OSBPL6: variants seen among roughly 807,000 people sequenced by gnomAD.
OSBPL6 encodes the protein oxysterol-binding protein-related protein 6.
OSBPL6 carries 49 observed loss-of-function variants against 125.8 expected under a neutral mutation model. That is an observed-to-expected ratio of 0.39 (90% CI 0.31 to 0.49). OSBPL6 has a LOEUF of 0.49. Ranked by LOEUF, OSBPL6 falls within the 20% of genes least tolerant of loss-of-function variation. OSBPL6 has a pLI of 0.88. For missense variants in OSBPL6, 986 were observed against 1,135.4 expected (o/e 0.87, Z 1.89); for synonymous variants, 394 against 391.8 (o/e 1.01, Z -0.07).
intron 13 of OSBPL6, among the ~76,000 whole-genome samples, chr2:178,364,762 G>A (rs1364558992): frequency 1.3e-5 from 2 of 152,184 alleles, no homozygotes; most frequent in African/African-American, 4.8e-5. Flanking sequence ...CAGAAGACAG[G>A]TCTAGGCTAG....
chr2:178,293,695 G>A (rs963041907), intron 2 of OSBPL6, among the ~76,000 whole-genome samples: 1 of 151,752 alleles, frequency 6.6e-6, no homozygotes, highest in Non-Finnish European at 1.5e-5. Flanking sequence ...ATTGTCTATA[G>A]TCTCCCTGTT....
chr2:178,304,243 G>T (rs936560274), intron 2 of OSBPL6, among the ~76,000 whole-genome samples: 8 of 152,112 alleles, frequency 5.3e-5, no homozygotes, highest in Non-Finnish European at 1.0e-4. Flanking sequence ...TTCTCATGCT[G>T]CTAATAAAGA....
chr2:178,241,653 C>A (rs333999), intron 1 of OSBPL6, among the ~76,000 whole-genome samples: 50,080 of 151,676 alleles, frequency 0.33, 8,767 homozygotes, highest in African/African-American at 0.43. Context: ...TGACCTCAAG[C>A]GATTCGCCAA....
chr2:178,211,578 T>G (rs572687611), intron 1 of OSBPL6, among the ~76,000 whole-genome samples: 70 of 152,316 alleles, frequency 4.6e-4, no homozygotes, highest in Non-Finnish European at 8.5e-4. Flanking sequence ...GATGCCATTT[T>G]GATAGGGATG....
intron 6 of OSBPL6, among the ~76,000 whole-genome samples, chr2:178,331,921 T>G (rs1232292070): frequency 6.6e-6 from 1 of 152,210 alleles, no homozygotes; most frequent in Non-Finnish European, 1.5e-5. Flanking sequence ...AAACTCTGCT[T>G]TATGTGTGCT....
chr2:178,246,412 A>T (rs904635565), intron 1 of OSBPL6, among the ~76,000 whole-genome samples: 14 of 152,040 alleles, frequency 9.2e-5, no homozygotes, highest in African/African-American at 3.1e-4. Context: ...TGTGACTTCC[A>T]GTGCCCTTCC....
At chr2:178,366,311 C>T (rs1692822152) in intron 13 of OSBPL6, among the ~76,000 whole-genome samples, 1 of 152,328 alleles carries the variant, frequency 6.6e-6, no homozygotes, top group African/African-American at 2.4e-5. Flanking sequence ...TTGAGCCTAT[C>T]TTGAATACAT....
At chr2:178,235,384 T>G in intron 1 of OSBPL6, among the ~76,000 whole-genome samples, 1 of 130,116 alleles carries the variant, frequency 7.7e-6, no homozygotes, top group African/African-American at 3.0e-5. Context: ...TTTCTTTCCT[T>G]TTTCTTTTCT....
intron 2 of OSBPL6, among the ~76,000 whole-genome samples, chr2:178,290,838 A>G (rs985723862): frequency 6.6e-6 from 1 of 152,120 alleles, no homozygotes; most frequent in Non-Finnish European, 1.5e-5. Flanking sequence ...GGTGGGAAAT[A>G]CATGTGTCCA....
intron 1 of OSBPL6, among the ~76,000 whole-genome samples, chr2:178,257,200 T>G (rs887270258): frequency 4.6e-5 from 7 of 152,228 alleles, no homozygotes; most frequent in Non-Finnish European, 8.8e-5. Flanking sequence ...AGTTTTATAA[T>G]GGTTGATTCT....
rs1574873596 is a variant in OSBPL6 at position 178,325,758 on chromosome 2, A to G, written c.195+1489A>G. 2.0e-5 allele frequency among the ~76,000 whole-genome samples: 3 copies of G among 152,330 alleles called. No homozygotes were observed. In the South Asian group the frequency reaches 6.2e-4, roughly 32 times the overall value. On this transcript the variant is annotated intron_variant, in intron 4 of 24. Coordinates refer to ENST00000190611, the MANE Select transcript of OSBPL6 (RefSeq NM_032523.4). ...TTCTCACTTTACTGATAATTATGGC[A>G]TAGTTTTCCGGCATGAAGGCCCCAG...
chr2:178,322,126 G>C (rs979460141), intron 3 of OSBPL6, among the ~76,000 whole-genome samples: 1 of 152,132 alleles, frequency 6.6e-6, no homozygotes, highest in African/African-American at 2.4e-5. Flanking sequence ...TCTATGGCTT[G>C]ACTTGGAAGT....
chr2:178,226,874 C>T (rs2090586910), intron 1 of OSBPL6, among the ~76,000 whole-genome samples: 1 of 152,156 alleles, frequency 6.6e-6, no homozygotes, highest in Non-Finnish European at 1.5e-5. Flanking sequence ...AAAATATTGA[C>T]ACATTTGACT....
Position 178,338,857 on chromosome 2 carries a change from C to T in OSBPL6, c.791-134C>T. On this transcript the variant is annotated intron_variant, in intron 9 of 24. Coordinates refer to ENST00000190611, the MANE Select transcript of OSBPL6 (RefSeq NM_032523.4). ...CCAGAAAAGGGTCTGTTTTGTTTCACCTGCCAGTATCTTCATCATATAAAC... is the reference window on the plus strand; with the variant it reads ...CCAGAAAAGGGTCTGTTTTGTTTCATCTGCCAGTATCTTCATCATATAAAC... 5.0e-6 allele frequency: 3 copies of T among 604,550 alleles called. No homozygotes were observed. The South Asian group carries it at 6.5e-5, about 13-fold the overall frequency. The allele number at this position is 604,550 out of a possible 1,614,324, so 37.4% of individuals were successfully genotyped here. A position where few individuals can be genotyped will look rare whatever the true frequency, so the allele number is the denominator to read the frequency against.
At chr2:178,321,663 G>T (rs756030554) in intron 3 of OSBPL6, among the ~76,000 whole-genome samples, 2 of 152,092 alleles carry the variant, frequency 1.3e-5, no homozygotes. Flanking sequence ...CTTATTTTTT[G>T]AAGCTAGTTA....
intron 13 of OSBPL6, among the ~76,000 whole-genome samples, chr2:178,369,615 A>C (rs1356600121): frequency 6.6e-6 from 1 of 152,212 alleles, no homozygotes; most frequent in Non-Finnish European, 1.5e-5. Flanking sequence ...CATCTAAGAA[A>C]AAGAATAAAT....
chr2:178,205,491 G>A (rs1303138083), intron 1 of OSBPL6, among the ~76,000 whole-genome samples: 2 of 152,134 alleles, frequency 1.3e-5, no homozygotes, highest in Non-Finnish European at 2.9e-5. Context: ...CAGATAGATT[G>A]TAGGTCTGAG....
intron 22 of OSBPL6, among the ~76,000 whole-genome samples, chr2:178,391,896 A>G (rs908365433): frequency 2.0e-5 from 3 of 152,226 alleles, no homozygotes; most frequent in African/African-American, 2.4e-5. Context: ...TCATTCCGCA[A>G]CTATTTATTG....
intron 1 of OSBPL6, among the ~76,000 whole-genome samples, chr2:178,208,674 C>T (rs1292612230): frequency 7.0e-5 from 9 of 128,964 alleles, no homozygotes; most frequent in Non-Finnish European, 1.3e-4. Flanking sequence ...CCCATCCCCT[C>T]CTCTCCCCTC....
Sources: gnomAD v4.1 joint callset for allele counts (sites outside exome capture counted in the v4.1 genomes callset) on GRCh38, gnomAD v4.1.1 for gene constraint, MANE v1.5 for transcripts, NCBI Gene and HGNC (gene_info 2026-07-23, HGNC 2026-07-21) for gene names.